The following PCDHGA1 variants were observed in gnomAD, a reference collection of about 807,000 sequenced individuals.
The protein encoded by PCDHGA1 is protocadherin gamma-A1.
PCDHGA1 carries 32 observed loss-of-function variants against 58.0 expected under a neutral mutation model. The ratio of observed to expected loss-of-function variants is 0.55; its 90% CI spans 0.42 to 0.74. The LOEUF is 0.74. Among genes scored for constraint, PCDHGA1 ranks in the 30% least tolerant of loss-of-function variants. PCDHGA1 has a pLI of 0.00. For missense variants in PCDHGA1, 1,205 were observed against 1,182.3 expected (o/e 1.02, Z -0.28); for synonymous variants, 498 against 501.1 (o/e 0.99, Z 0.08).
chr5:141,468,374 C>T (rs1340499708), intron 1 of PCDHGA1: 2 of 150,736 alleles, frequency 1.3e-5, no homozygotes, highest in Non-Finnish European at 3.0e-5. Context: ...ATAACTCAGC[C>T]ATACAAGGCT....
chr5:141,465,546 T>C (rs572856697), intron 1 of PCDHGA1, among the ~76,000 whole-genome samples: 1 of 152,338 alleles, frequency 6.6e-6, no homozygotes, highest in South Asian at 2.1e-4. Context: ...GCATTTTTTC[T>C]GCTGAAGCTT....
chr5:141,478,903 C>T lies in PCDHGA1; in HGVS notation c.2422-15904C>T. On this transcript the variant is annotated intron_variant, in intron 1 of 3. Transcript: ENST00000517417. Reference sequence around the variant, plus strand: ...TGGTATCATTTACATTAGGAATAAGCTGCTGGATACCTCTAACCAGTGGCA... The same window carrying T: ...TGGTATCATTTACATTAGGAATAAGTTGCTGGATACCTCTAACCAGTGGCA... 4.2e-6 allele frequency: 4 copies of T among 957,824 alleles called. No homozygotes were observed. The South Asian group carries it at 7.3e-5, about 18-fold the overall frequency. 59.3% of individuals were successfully genotyped at this position (957,824 alleles called of 1,614,324 possible). A position where few individuals can be genotyped will look rare whatever the true frequency, so the allele number is the denominator to read the frequency against.
At chr5:141,414,846 G>A in intron 1 of PCDHGA1, 1 of 1,614,218 alleles carries the variant, frequency 6.2e-7, no homozygotes, top group African/African-American at 1.3e-5. Flanking sequence ...TGTTTGTGCT[G>A]GACCAGAACG....
Position 141,352,215 on chromosome 5 carries a change from C to T in PCDHGA1, c.2421+19110C>T, listed in dbSNP as rs780390612. The T allele has an allele frequency of 1.0e-4, 162 of 1,613,958 alleles. No homozygotes were observed. The highest frequency in any genetic ancestry group is 1.4e-4 in the Non-Finnish European group (160 of 1,179,914). On this transcript the variant is annotated intron_variant, in intron 1 of 3. Transcript: ENST00000517417. ...GATGGAGGACAGCCGCCACTCTCCG[C>T]CACCGCCACGCTGCACCTAATCTTC...
chr5:141,421,795 GC>G, intron 1 of PCDHGA1: 1 of 1,613,818 alleles, frequency 6.2e-7, no homozygotes, highest in East Asian at 2.2e-5. Context: ...AACGGATGGG[GC>G]CAAGAATCCA....
At chr5:141,374,498 G>A in intron 1 of PCDHGA1, 8 of 1,611,504 alleles carry the variant, frequency 5.0e-6, no homozygotes, top group South Asian at 1.1e-5. Context: ...GGAAGAATTG[G>A]AAGTGAAAAT....
intron 1 of PCDHGA1, among the ~76,000 whole-genome samples, chr5:141,437,364 T>C (rs1026384836): frequency 6.6e-6 from 1 of 152,232 alleles, no homozygotes; most frequent in African/African-American, 2.4e-5. Flanking sequence ...AAAATTGGAA[T>C]GTAATCAGTC....
At chr5:141,366,514 A>G (rs766799381) in intron 1 of PCDHGA1, 8 of 1,614,142 alleles carry the variant, frequency 5.0e-6, no homozygotes, top group Non-Finnish European at 6.8e-6. Context: ...TTCAGGCTGA[A>G]GGCAGCAGGT....
At chr5:141,338,876 C>T in intron 1 of PCDHGA1, 1 of 1,451,392 alleles carries the variant, frequency 6.9e-7, no homozygotes, top group Non-Finnish European at 9.1e-7. Flanking sequence ...GACCTGGGTC[C>T]CGTGAATGCT....
intron 1 of PCDHGA1, chr5:141,424,527 A>G (rs1164206187): frequency 1.3e-5 from 2 of 152,214 alleles, no homozygotes; most frequent in African/African-American, 2.4e-5. Flanking sequence ...GTAAATCCAT[A>G]TATAGAAATA....
chr5:141,428,609 A>G, intron 1 of PCDHGA1: 1 of 215,052 alleles, frequency 4.7e-6, no homozygotes, highest in South Asian at 7.9e-5. Context: ...ACTGAAGAGA[A>G]TAACAAGATA....
chr5:141,346,990 TTTTC>T (rs1757838072), intron 1 of PCDHGA1, among the ~76,000 whole-genome samples: 1 of 151,994 alleles, frequency 6.6e-6, no homozygotes, highest in South Asian at 2.1e-4. Context: ...GACACTCTTT[TTTTC>T]TTTCTCCTTC....
At chr5:141,388,906 A>G (rs943139475) in intron 1 of PCDHGA1, 5 of 1,613,898 alleles carry the variant, frequency 3.1e-6, no homozygotes, top group African/African-American at 2.7e-5. Flanking sequence ...GAAAATGACA[A>G]CGCCCCAGAA....
intron 1 of PCDHGA1, chr5:141,388,479 C>A (rs1345463224): frequency 6.2e-7 from 1 of 1,613,770 alleles, no homozygotes. Context: ...ATTGAAGACA[C>A]CTTTGGACAG....
intron 1 of PCDHGA1, chr5:141,430,984 C>A (rs765063685): frequency 6.2e-7 from 1 of 1,613,648 alleles, no homozygotes; most frequent in South Asian, 1.1e-5. Flanking sequence ...CGCAGCTTTT[C>A]GCCCTGAATC....
At chr5:141,341,033 G>A (rs767213524) in intron 1 of PCDHGA1, 3 of 1,614,158 alleles carry the variant, frequency 1.9e-6, no homozygotes, top group South Asian at 2.2e-5. Flanking sequence ...CAACGATTCG[G>A]ACCTCACTCT....
chr5:141,422,226 G>A (rs766346054), intron 1 of PCDHGA1: 1 of 1,565,844 alleles, frequency 6.4e-7, no homozygotes, highest in East Asian at 2.2e-5. Flanking sequence ...CCACCACGAC[G>A]ATGTTGATCA....
intron 1 of PCDHGA1, chr5:141,339,642 G>T: frequency 1.9e-6 from 3 of 1,614,146 alleles, no homozygotes; most frequent in Non-Finnish European, 2.5e-6. Context: ...GTGCTATCTG[G>T]CACCTCCCGC....
intron 1 of PCDHGA1, chr5:141,377,128 G>A (rs1175570742): frequency 6.6e-6 from 1 of 152,206 alleles, no homozygotes; most frequent in Admixed American, 6.5e-5. Context: ...TCTTAATTTT[G>A]TGGGGGAAAA....
Sources: allele counts gnomAD v4.1 joint callset (sites outside exome capture counted in the v4.1 genomes callset), GRCh38; gene constraint gnomAD v4.1.1; transcripts MANE v1.5; gene names NCBI Gene and HGNC (gene_info 2026-07-23, HGNC 2026-07-21).